The following LMO7 variants were observed in gnomAD, a reference collection of about 807,000 sequenced individuals.
The protein encoded by LMO7 is LIM domain only protein 7.
LMO7 carries 120 observed loss-of-function variants against 206.5 expected under a neutral mutation model. That is an observed-to-expected ratio of 0.58 (90% CI 0.50 to 0.68). The LOEUF (loss-of-function observed/expected upper bound fraction) is 0.68, where lower values mean the gene tolerates loss of function less well. LMO7 is among the 30% of genes least tolerant of loss of function. The pLI is 0.00. For missense variants in LMO7, 1,959 were observed against 1,957.9 expected (o/e 1.00, Z -0.01); for synonymous variants, 706 against 681.5 (o/e 1.04, Z -0.56).
rs2034471282 is a variant in LMO7, at chr13:75,628,281, T to C, written c.225+4961T>C. The C allele has an allele frequency of 3.9e-5, 6 of 152,378 alleles. No individual in the cohort carries two copies. In the South Asian group the frequency reaches 8.3e-4, roughly 21 times the overall value. 9.4% of individuals were successfully genotyped at this position (152,378 alleles called of 1,614,324 possible). A position where few individuals can be genotyped will look rare whatever the true frequency, so the allele number is the denominator to read the frequency against. ...GGTTTGTCTTCTTTTTGGAGGAATG[T>C]TCTGATATGGGATTCACTTTGTTTT... is the stretch of plus-strand genomic sequence containing the variant. On this transcript the variant is annotated intron_variant, in intron 2 of 29. Transcript: ENST00000341547.
chr13:75,636,188 G>A (rs2281765), upstream of LMO7: 180,533 of 575,034 alleles, frequency 0.31, 29,220 homozygotes, highest in Middle Eastern at 0.33. Context: ...TGACCACAGA[G>A]GCGGCCGCGG....
intron 25 of LMO7, among the ~76,000 whole-genome samples, chr13:75,844,999 C>T (rs890091099): frequency 6.6e-6 from 1 of 152,086 alleles, no homozygotes. Flanking sequence ...GGTTTGTAAG[C>T]CTGGTAGGAC....
chr13:75,717,815 G>A (rs1444106340), intron 2 of LMO7, among the ~76,000 whole-genome samples: 1 of 152,202 alleles, frequency 6.6e-6, no homozygotes, highest in African/African-American at 2.4e-5. Flanking sequence ...CTTTCATGTA[G>A]TGGGAAAGGC....
Position 75,848,470 on chromosome 13 carries a change from A to T in LMO7, c.4151-609A>T, listed in dbSNP as rs201699742. Among the ~76,000 whole-genome samples the T allele has an allele frequency of 2.4e-3, 144 of 59,968 alleles. 1 individual carries two copies. Among genetic ancestry groups the T allele is most frequent in the South Asian group, 6.6e-3 (12 of 1,818 alleles). 39.3% of individuals were successfully genotyped at this position (59,968 alleles called of 152,430 possible). ...ATCTATCTATCTATCTATCTATCTA[A>T]CTATCTCACATTCTCTTTATCCACT... is the stretch of plus-strand genomic sequence containing the variant. On this transcript the variant is annotated intron_variant, in intron 26 of 30. Coordinates refer to ENST00000377534, the MANE Select transcript of LMO7 (RefSeq NM_001306080.2).
At chr13:75,850,125 A>G (rs113281249) in intron 27 of LMO7, among the ~76,000 whole-genome samples, 3 of 152,244 alleles carry the variant, frequency 2.0e-5, no homozygotes, top group African/African-American at 4.8e-5. Flanking sequence ...GTATAAAAAA[A>G]GAAAAAAGAC....
chr13:75,765,326 T>C (rs2048711117), intron 4 of LMO7, among the ~76,000 whole-genome samples: 1 of 152,106 alleles, frequency 6.6e-6, no homozygotes, highest in African/African-American at 2.4e-5. Context: ...CTTTTTTTTT[T>C]TTTGCAAGTA....
In LMO7 at chr13:75,823,624, T is replaced by C; in HGVS notation, c.2700T>C (p.Asn900=). 1.2e-6 allele frequency: 2 copies of C among 1,614,098 alleles called. No homozygotes were observed. The highest frequency in any genetic ancestry group is 1.7e-6 in the Non-Finnish European group (2 of 1,179,974). ...DVEDIKRTPN[N]VVSTPAPSPD... ...AAGACATTAAGAGAACTCCAAACAA[T>C]GTGGTCAGCACCCCTGCACCAAGCC... Residue 900 remains asparagine (N), a synonymous_variant, in exon 15 of 31, where the codon AAT becomes AAC. Coordinates refer to ENST00000377534, the MANE Select transcript of LMO7 (RefSeq NM_001306080.2).
intron 4 of LMO7, among the ~76,000 whole-genome samples, chr13:75,770,995 C>T (rs757797828): frequency 2.6e-5 from 4 of 152,032 alleles, no homozygotes; most frequent in East Asian, 1.9e-4. Context: ...AATTTGCTGA[C>T]GTTCTTTCTA....
intron 24 of LMO7, among the ~76,000 whole-genome samples, chr13:75,842,364 C>T (rs2059619243): frequency 6.6e-6 from 1 of 152,096 alleles, no homozygotes; most frequent in Admixed American, 6.6e-5. Context: ...GAGAAGTCAT[C>T]AAATGTTTGT....
chr13:75,798,085 G>C (rs898500144), intron 6 of LMO7, among the ~76,000 whole-genome samples: 4 of 152,028 alleles, frequency 2.6e-5, no homozygotes, highest in Non-Finnish European at 5.9e-5. Context: ...AAACCTATGT[G>C]GGGGGCTGGG....
At chr13:75,695,930 G>GA (rs2041864963) in intron 1 of LMO7, among the ~76,000 whole-genome samples, 1 of 152,134 alleles carries the variant, frequency 6.6e-6, no homozygotes, top group Admixed American at 6.5e-5. Context: ...TATGTACCTA[G>GA]ATCTAGCCAT....
chr13:75,805,187 T>C (rs2055283400), intron 8 of LMO7: 1 of 1,221,254 alleles, frequency 8.2e-7, no homozygotes. Context: ...CTGTCTATTA[T>C]GCTGCTGATT....
At chr13:75,852,345 G>C (rs948200533) in intron 27 of LMO7, among the ~76,000 whole-genome samples, 1 of 152,196 alleles carries the variant, frequency 6.6e-6, no homozygotes, top group African/African-American at 2.4e-5. Context: ...CTTGAGGGTG[G>C]AGTGTGGGAG....
At position 75,817,266 on chromosome 13, in the gene LMO7, GA is replaced by G. The variant is rs775718345; in HGVS notation, c.2055del (p.Lys685AsnfsTer83). ...AATCACAATTAAAAGAACAAGATCA[GA>G]AATGGCAGGATGTGAGTATTTTGGG... Reference protein sequence around the residue: ...IKSQLKEQDQKWQDDLAKWKD... With the variant: ...IKSQLKEQDQXWQDDLAKWKD... On this transcript the variant is annotated frameshift_variant, in exon 12 of 31. Transcript: ENST00000377534. LOFTEE classifies it high-confidence loss of function. The G allele has an allele frequency of 6.2e-7, 1 of 1,604,952 alleles. No individual in the cohort carries two copies. The highest frequency in any genetic ancestry group is 8.5e-7 in the Non-Finnish European group (1 of 1,172,620).
intron 1 of LMO7, among the ~76,000 whole-genome samples, chr13:75,683,577 G>A: frequency 6.6e-6 from 1 of 152,160 alleles, no homozygotes; most frequent in Middle Eastern, 3.2e-3. Flanking sequence ...AATATCTTAA[G>A]TATATACCTT....
chr13:75,737,344 A>G (rs2045908522), intron 3 of LMO7, among the ~76,000 whole-genome samples: 1 of 152,160 alleles, frequency 6.6e-6, no homozygotes, highest in Non-Finnish European at 1.5e-5. Flanking sequence ...TTGTAAGACA[A>G]AAAATCTTTG....
At chr13:75,668,625 T>C (rs538079966) in intron 1 of LMO7, among the ~76,000 whole-genome samples, 321 of 152,314 alleles carry the variant, frequency 2.1e-3, no homozygotes, top group Non-Finnish European at 3.7e-3. Context: ...TTCCAGTAAA[T>C]GCCTGCTTTC....
rs139747972 is a variant in LMO7, at chr13:75,723,697, C to T, written c.141-3332C>T. On this transcript the variant is annotated intron_variant, in intron 2 of 30. Transcript: ENST00000377534. The stretch of plus-strand genomic sequence containing the variant: ...ACAAGGCTTTTGAACAGAGCCAGCT[C>T]TCTAGTATCTGTCATTGTGCAACTC... 2.7e-3 allele frequency among the ~76,000 whole-genome samples: 417 copies of T among 152,220 alleles called. 3 individuals are homozygous for T. The highest frequency in any genetic ancestry group is 9.8e-3 in the African/African-American group (409 of 41,544).
chr13:75,665,404 A>C (rs1426433639), intron 1 of LMO7, among the ~76,000 whole-genome samples: 1 of 152,146 alleles, frequency 6.6e-6, no homozygotes, highest in Non-Finnish European at 1.5e-5. Context: ...TATTTTTAAA[A>C]ATTTTTATAT....
Sources: gnomAD v4.1 joint callset for allele counts (sites outside exome capture counted in the v4.1 genomes callset) on GRCh38, gnomAD v4.1.1 for gene constraint, MANE v1.5 for transcripts, NCBI Gene and HGNC (gene_info 2026-07-23, HGNC 2026-07-21) for gene names.